NRXN3: variants seen among roughly 807,000 people sequenced by gnomAD.
NRXN3 encodes neurexin III.
A neutral mutation model predicts 137.6 loss-of-function variants in NRXN3; 32 were observed. The observed-to-expected ratio is 0.23, with a 90% CI of 0.18 to 0.31. The LOEUF (loss-of-function observed/expected upper bound fraction) is 0.31, where lower values mean the gene tolerates loss of function less well. Ranked by LOEUF, NRXN3 falls within the 10% of genes least tolerant of loss-of-function variation. The probability of loss-of-function intolerance (pLI) is 1.00; values close to 1 mark genes in which losing one functional copy is unlikely to be tolerated. For synonymous variants in NRXN3, 798 were observed against 784.5 expected, an observed-to-expected ratio of 1.02 and a Z score of -0.29; for missense variants, 1,574 against 2,062.5, an observed-to-expected ratio of 0.76 and a Z score of 4.59.
intron 10 of NRXN3, among the ~76,000 whole-genome samples, chr14:78,954,553 C>T (rs2099393010): frequency 6.6e-6 from 1 of 152,050 alleles, no homozygotes; most frequent in Non-Finnish European, 1.5e-5. Context: ...CAACCTCTGC[C>T]TCCCTGGTTC....
At chr14:79,004,159 A>T (rs1229856212) in intron 15 of NRXN3, among the ~76,000 whole-genome samples, 1 of 152,172 alleles carries the variant, frequency 6.6e-6, no homozygotes, top group African/African-American at 2.4e-5. Context: ...TCACACAGGA[A>T]TGATTTTTCT....
At chr14:78,465,187 A>G (rs913563461) in intron 4 of NRXN3, among the ~76,000 whole-genome samples, 2 of 152,094 alleles carry the variant, frequency 1.3e-5, no homozygotes, top group Non-Finnish European at 1.5e-5. Context: ...TCTATTTCTA[A>G]AGATGTATTA....
At chr14:78,313,551 C>T (rs2078221988) in intron 4 of NRXN3, among the ~76,000 whole-genome samples, 2 of 152,008 alleles carry the variant, frequency 1.3e-5, no homozygotes, top group African/African-American at 4.8e-5. Flanking sequence ...ATGGCATTAT[C>T]CCCATTTTCA....
At chr14:79,322,847 G>T (rs1175107138) in intron 15 of NRXN3, among the ~76,000 whole-genome samples, 3 of 152,170 alleles carry the variant, frequency 2.0e-5, no homozygotes, top group African/African-American at 7.2e-5. Context: ...TAAAGGGTAT[G>T]ATACTTTGGC....
chr14:79,652,496 T>C (rs1489671666), intron 16 of NRXN3, among the ~76,000 whole-genome samples: 11 of 152,168 alleles, frequency 7.2e-5, no homozygotes, highest in Admixed American at 7.2e-4. Context: ...TCCAGGGACA[T>C]TTCTATTTCT....
intron 15 of NRXN3, among the ~76,000 whole-genome samples, chr14:79,375,273 C>T (rs111318339): frequency 0.012 from 1,763 of 149,952 alleles, 41 homozygotes; most frequent in African/African-American, 0.041. Flanking sequence ...AAACTACACC[C>T]CCGCCTCCAG....
intron 16 of NRXN3, among the ~76,000 whole-genome samples, chr14:79,483,918 C>T (rs2096631859): frequency 6.6e-6 from 1 of 152,190 alleles, no homozygotes; most frequent in South Asian, 2.1e-4. Context: ...AACACAGCCA[C>T]TCCTATTCAC....
At chr14:79,491,670 T>A (rs187132240) in intron 16 of NRXN3, among the ~76,000 whole-genome samples, 272 of 151,922 alleles carry the variant, frequency 1.8e-3, no homozygotes, top group Middle Eastern at 3.4e-3. Context: ...TGTGTGTGTG[T>A]GAGAGAAAGA....
chr14:78,265,815 G>T (rs572650924), intron 2 of NRXN3, among the ~76,000 whole-genome samples: 1 of 152,280 alleles, frequency 6.6e-6, no homozygotes, highest in South Asian at 2.1e-4. Flanking sequence ...GTGCCTAAAA[G>T]TGTCCTGGAC....
intron 16 of NRXN3, among the ~76,000 whole-genome samples, chr14:79,613,102 T>G (rs1383065701): frequency 6.6e-6 from 1 of 152,212 alleles, no homozygotes; most frequent in African/African-American, 2.4e-5. Context: ...TCTTGCTGCC[T>G]GTACTATGAA....
At chr14:79,419,718 C>T (rs79814002) in intron 15 of NRXN3, among the ~76,000 whole-genome samples, 4,727 of 152,210 alleles carry the variant, frequency 0.031, 247 homozygotes, top group African/African-American at 0.11. Flanking sequence ...AGCTCAACCA[C>T]TATGAGTCCT....
intron 1 of NRXN3, chr14:78,177,655 G>A (rs2059401736): frequency 6.6e-6 from 1 of 152,086 alleles, no homozygotes; most frequent in Admixed American, 6.6e-5. Flanking sequence ...AAGGAATAGA[G>A]AGAGGAAGGG....
Position 79,150,938 on chromosome 14 carries a change from G to C in NRXN3, c.3262+162797G>C, listed in dbSNP as rs146364874. Among the ~76,000 whole-genome samples, 983 of 152,148 alleles carry C rather than the reference G, an allele frequency of 6.5e-3. 13 individuals carry two copies. The highest frequency in any genetic ancestry group is 0.051 in the Middle Eastern group (15 of 294). On this transcript the variant is annotated intron_variant, in intron 15 of 20. Transcript: ENST00000335750. ...TGCAGCAGTACATGTGACAGGTGAT[G>C]TTGCCTGCATACACAAAATTAAATG...
chr14:78,508,607 A>G (rs776687571), intron 4 of NRXN3, among the ~76,000 whole-genome samples: 12 of 152,192 alleles, frequency 7.9e-5, no homozygotes, highest in Non-Finnish European at 1.6e-4. Context: ...TGAAGTAAGT[A>G]TTAAGTCTTT....
chr14:79,158,712 A>C (rs2060482223), intron 15 of NRXN3, among the ~76,000 whole-genome samples: 1 of 151,844 alleles, frequency 6.6e-6, no homozygotes, highest in African/African-American at 2.4e-5. Context: ...TCTCAACATA[A>C]GCTCCATCGG....
intron 10 of NRXN3, among the ~76,000 whole-genome samples, chr14:78,890,235 T>G (rs1597036276): frequency 6.6e-6 from 1 of 151,926 alleles, no homozygotes. Context: ...ATCTACAAAA[T>G]ACATGAATTA....
intron 20 of NRXN3, among the ~76,000 whole-genome samples, chr14:79,830,117 A>G (rs1367722664): frequency 6.6e-6 from 1 of 152,184 alleles, no homozygotes; most frequent in African/African-American, 2.4e-5. Context: ...ATGACTGTCT[A>G]TTTGCCTCTG....
At chr14:78,174,706 A>G (rs2059097565) in intron 1 of NRXN3, among the ~76,000 whole-genome samples, 1 of 152,128 alleles carries the variant, frequency 6.6e-6, no homozygotes, top group Non-Finnish European at 1.5e-5. Context: ...CGGGGAAGGA[A>G]GGCAAGAAGC....
intron 10 of NRXN3, among the ~76,000 whole-genome samples, chr14:78,863,818 C>T (rs2099079398): frequency 6.6e-6 from 1 of 152,108 alleles, no homozygotes; most frequent in Non-Finnish European, 1.5e-5. Flanking sequence ...GTGACCTTCT[C>T]TCTCCTCCCA....
Sources: allele counts gnomAD v4.1 joint callset (sites outside exome capture counted in the v4.1 genomes callset), GRCh38; gene constraint gnomAD v4.1.1; transcripts MANE v1.5; gene names NCBI Gene and HGNC (gene_info 2026-07-23, HGNC 2026-07-21).